Variants in NAALADL2 observed in about 807,000 individuals in gnomAD.
NAALADL2 encodes inactive N-acetylated-alpha-linked acidic dipeptidase-like protein 2.
In NAALADL2, 76 loss-of-function variants were observed where a neutral mutation model predicts 87.2. The observed-to-expected ratio is 0.87, with a 90% CI of 0.72 to 1.05. NAALADL2 has a LOEUF of 1.05. Ranked by LOEUF, NAALADL2 falls within the 50% of genes least tolerant of loss-of-function variation. The probability of loss-of-function intolerance (pLI) is 0.00; values close to 1 mark genes in which losing one functional copy is unlikely to be tolerated. For synonymous variants in NAALADL2, 354 were observed against 331.0 expected, an observed-to-expected ratio of 1.07 and a Z score of -0.75; for missense variants, 1,089 against 945.8, an observed-to-expected ratio of 1.15 and a Z score of -1.99.
At chr3:174,855,147 A>C (rs1167428760), upstream of NAALADL2, among the ~76,000 whole-genome samples, 1 of 151,952 alleles carries the variant, frequency 6.6e-6, no homozygotes, top group South Asian at 2.1e-4. Flanking sequence ...CCTATGCTAT[A>C]CTTTTACATG....
intron 9 of NAALADL2, among the ~76,000 whole-genome samples, chr3:175,507,020 T>C (rs1043033802): frequency 6.6e-6 from 1 of 152,014 alleles, no homozygotes; most frequent in Non-Finnish European, 1.5e-5. Flanking sequence ...CTGCACATCC[T>C]CTTCTCCCAC....
intron 11 of NAALADL2, among the ~76,000 whole-genome samples, chr3:175,708,665 T>C (rs1226897749): frequency 6.6e-6 from 1 of 151,626 alleles, no homozygotes; most frequent in Non-Finnish European, 1.5e-5. Flanking sequence ...CTGACTAAAA[T>C]TTCTCATCAT....
At chr3:175,022,865 T>G (rs1304050073) in intron 1 of NAALADL2, among the ~76,000 whole-genome samples, 1 of 152,090 alleles carries the variant, frequency 6.6e-6, no homozygotes, top group Non-Finnish European at 1.5e-5. Context: ...TTGTGAAGTG[T>G]CTACCTAAAG....
intron 2 of NAALADL2, among the ~76,000 whole-genome samples, chr3:175,109,931 A>G (rs568936755): frequency 1.1e-4 from 17 of 151,956 alleles, no homozygotes; most frequent in African/African-American, 3.9e-4. Context: ...TTCATTTGTA[A>G]CATTCCATGT....
chr3:175,188,509 G>A (rs1355484384), intron 2 of NAALADL2, among the ~76,000 whole-genome samples: 1 of 152,062 alleles, frequency 6.6e-6, no homozygotes, highest in Non-Finnish European at 1.5e-5. Context: ...CACCTTCTGG[G>A]GCCAAGCTAA....
At chr3:175,584,846 G>T (rs568883288) in intron 10 of NAALADL2, among the ~76,000 whole-genome samples, 1 of 152,340 alleles carries the variant, frequency 6.6e-6, no homozygotes, top group African/African-American at 2.4e-5. Flanking sequence ...AGGACTGGAA[G>T]TTTCTCTGGG....
intron 11 of NAALADL2, among the ~76,000 whole-genome samples, chr3:175,699,665 A>T (rs905622605): frequency 3.3e-5 from 5 of 152,120 alleles, no homozygotes; most frequent in African/African-American, 1.2e-4. Flanking sequence ...TTTACCTTTT[A>T]TGAAACTAGA....
chr3:174,963,391 AT>A (rs1387833341), intron 1 of NAALADL2, among the ~76,000 whole-genome samples: 1 of 152,162 alleles, frequency 6.6e-6, no homozygotes, highest in East Asian at 1.9e-4. Flanking sequence ...AATATTATAG[AT>A]TGTCTGAATG....
intron 11 of NAALADL2, chr3:175,718,216 T>G: frequency 1.1e-6 from 1 of 875,670 alleles, no homozygotes; most frequent in East Asian, 2.8e-5. Flanking sequence ...TTTTTTTTTT[T>G]TTTTTTTGAT....
intron 9 of NAALADL2, among the ~76,000 whole-genome samples, chr3:175,487,347 G>T (rs1302970927): frequency 6.6e-6 from 1 of 152,158 alleles, no homozygotes; most frequent in Non-Finnish European, 1.5e-5. Flanking sequence ...AGGATGTAAA[G>T]CACAGGAGGA....
chr3:174,458,020 G>GA (rs897025469), intron 1 of NAALADL2, among the ~76,000 whole-genome samples: 1 of 152,058 alleles, frequency 6.6e-6, no homozygotes, highest in Non-Finnish European at 1.5e-5. Flanking sequence ...GAGAGGATCA[G>GA]AAAAAATAAC....
chr3:175,347,152 GC>G (rs1275320804), intron 5 of NAALADL2, among the ~76,000 whole-genome samples: 1 of 152,160 alleles, frequency 6.6e-6, no homozygotes, highest in Non-Finnish European at 1.5e-5. Context: ...GTGACTCAGA[GC>G]TTGTTAAGCT....
At chr3:175,069,769 C>T (rs1715248315) in intron 1 of NAALADL2, among the ~76,000 whole-genome samples, 1 of 151,704 alleles carries the variant, frequency 6.6e-6, no homozygotes, top group African/African-American at 2.4e-5. Context: ...ACGCAAATGT[C>T]CAACAATGAT....
intron 9 of NAALADL2, among the ~76,000 whole-genome samples, chr3:175,541,136 A>G (rs1435245113): frequency 1.3e-5 from 2 of 152,224 alleles, no homozygotes; most frequent in African/African-American, 4.8e-5. Context: ...AGGCCTTGAG[A>G]TATCTTTCGA....
chr3:175,723,580 T>C (rs1329427900), intron 11 of NAALADL2, among the ~76,000 whole-genome samples: 2 of 152,180 alleles, frequency 1.3e-5, no homozygotes, highest in Non-Finnish European at 2.9e-5. Context: ...TTATGTGGAA[T>C]GGCTTAAGCC....
At chr3:174,806,112 A>G (rs1403725967) in intron 3 of NAALADL2, among the ~76,000 whole-genome samples, 7 of 152,208 alleles carry the variant, frequency 4.6e-5, no homozygotes, top group Admixed American at 3.3e-4. Context: ...GGCCCTTTCT[A>G]TATTATCACT....
At chr3:174,674,577 T>G (rs1472375738) in intron 2 of NAALADL2, among the ~76,000 whole-genome samples, 1 of 151,894 alleles carries the variant, frequency 6.6e-6, no homozygotes, top group Non-Finnish European at 1.5e-5. Flanking sequence ...ATACTGAAAA[T>G]ATTTGTTGGA....
chr3:175,293,036 CAAAAA>C (rs568981496), intron 4 of NAALADL2, among the ~76,000 whole-genome samples: 5 of 49,426 alleles, frequency 1.0e-4, no homozygotes, highest in South Asian at 1.8e-3. Flanking sequence ...GACTCCGTCT[CAAAAA>C]AAAAAAAAAA....
At chr3:175,264,232 T>C (rs1751555114) in intron 4 of NAALADL2, among the ~76,000 whole-genome samples, 1 of 151,888 alleles carries the variant, frequency 6.6e-6, no homozygotes, top group African/African-American at 2.4e-5. Context: ...AGTTTTTTCT[T>C]ATTTTTTATT....
Sources: gnomAD v4.1 joint callset for allele counts (sites outside exome capture counted in the v4.1 genomes callset) on GRCh38, gnomAD v4.1.1 for gene constraint, MANE v1.5 for transcripts, NCBI Gene and HGNC (gene_info 2026-07-23, HGNC 2026-07-21) for gene names.